LINC00305: variants seen among roughly 807,000 people sequenced by gnomAD.
LINC00305 encodes long independently transcribed non-coding RNA 305.
In LINC00305 at chr18:64,147,406, G is replaced by A. The variant is rs533536764; in HGVS notation, n.314+1369C>T. On this transcript the variant is annotated intron_variant and non_coding_transcript_variant, in intron 1 of 3. Transcript: ENST00000666468. ...GTATTGAATACATTTACATAAATTTGCATGTATGTAACACTTTCCCTAAGA... is the reference window on the plus strand; with the variant it reads ...GTATTGAATACATTTACATAAATTTACATGTATGTAACACTTTCCCTAAGA... 7 of 152,240 alleles carry A rather than the reference G, an allele frequency of 4.6e-5. No individual in the cohort carries two copies. In the East Asian group the frequency reaches 1.3e-3, roughly 29 times the overall value. The allele number at this position is 152,240 out of a possible 1,614,324, so 9.4% of individuals were successfully genotyped here.
intron 3 of LINC00305, among the ~76,000 whole-genome samples, chr18:64,086,306 A>C (rs1173113970): frequency 2.0e-5 from 3 of 152,226 alleles, no homozygotes; most frequent in Non-Finnish European, 4.4e-5. Context: ...ATTTATGTTA[A>C]GTTGGTAAGA....
intron 3 of LINC00305, among the ~76,000 whole-genome samples, chr18:64,092,549 GAGAC>G (rs2051228931): frequency 6.6e-6 from 1 of 152,192 alleles, no homozygotes; most frequent in African/African-American, 2.4e-5. Context: ...GTGACAGAAT[GAGAC>G]TCTGTCTCAA....
At chr18:64,138,888 C>G (rs997107064) in intron 1 of LINC00305, among the ~76,000 whole-genome samples, 1 of 152,264 alleles carries the variant, frequency 6.6e-6, no homozygotes, top group African/African-American at 2.4e-5. Flanking sequence ...CTTGAATAAG[C>G]TTGCAATAAA....
intron 1 of LINC00305, among the ~76,000 whole-genome samples, chr18:64,121,711 A>G (rs886197094): frequency 3.3e-5 from 5 of 152,144 alleles, no homozygotes; most frequent in Non-Finnish European, 7.4e-5. Context: ...GACACCCAAT[A>G]ACGGGATTGC....
chr18:64,081,064 T>G (rs1248492586), intron 3 of LINC00305, among the ~76,000 whole-genome samples: 1 of 152,210 alleles, frequency 6.6e-6, no homozygotes, highest in East Asian at 1.9e-4. Context: ...ATTTATCCAA[T>G]ATAATCCATC....
chr18:64,120,280 T>A (rs2051355991), intron 1 of LINC00305, among the ~76,000 whole-genome samples: 1 of 152,052 alleles, frequency 6.6e-6, no homozygotes, highest in Non-Finnish European at 1.5e-5. Context: ...ATGGCTCTTC[T>A]TTTTTTGTTA....
intron 1 of LINC00305, among the ~76,000 whole-genome samples, chr18:64,124,235 G>A (rs1015797062): frequency 2.0e-5 from 3 of 152,098 alleles, no homozygotes; most frequent in Non-Finnish European, 4.4e-5. Flanking sequence ...GCATGGCATG[G>A]TCATCCACGG....
At chr18:64,120,792 A>G (rs1422358505) in intron 1 of LINC00305, among the ~76,000 whole-genome samples, 1 of 152,086 alleles carries the variant, frequency 6.6e-6, no homozygotes, top group Non-Finnish European at 1.5e-5. Context: ...TGGTTTTGCC[A>G]GTTGCCAGTT....
intron 3 of LINC00305, among the ~76,000 whole-genome samples, chr18:64,088,229 G>T (rs571141210): frequency 6.6e-6 from 1 of 152,134 alleles, no homozygotes; most frequent in South Asian, 2.1e-4. Context: ...AGAAATTTGT[G>T]ATTTTTCTCA....
intron 1 of LINC00305, among the ~76,000 whole-genome samples, chr18:64,115,062 T>C (rs1295125182): frequency 6.6e-6 from 1 of 152,176 alleles, no homozygotes; most frequent in Non-Finnish European, 1.5e-5. Context: ...CTGCCACCAT[T>C]GGTTTTGAAA....
chr18:64,144,391 G>T (rs2051486729), intron 1 of LINC00305, among the ~76,000 whole-genome samples: 1 of 152,128 alleles, frequency 6.6e-6, no homozygotes, highest in Admixed American at 6.6e-5. Context: ...TAAGGAAAAA[G>T]CAGGAAAATG....
intron 1 of LINC00305, among the ~76,000 whole-genome samples, chr18:64,127,840 C>A (rs988935119): frequency 2.0e-5 from 3 of 152,072 alleles, no homozygotes; most frequent in Admixed American, 1.3e-4. Flanking sequence ...GGCTGAATTT[C>A]TCTCGTGGAT....
At chr18:64,095,621 A>C (rs1599208466) in intron 3 of LINC00305, among the ~76,000 whole-genome samples, 1 of 152,264 alleles carries the variant, frequency 6.6e-6, no homozygotes, top group African/African-American at 2.4e-5. Context: ...ACTGCATTTC[A>C]TCATTAAAGA....
At chr18:64,141,877 G>A (rs2051465287) in intron 1 of LINC00305, among the ~76,000 whole-genome samples, 1 of 152,204 alleles carries the variant, frequency 6.6e-6, no homozygotes, top group Non-Finnish European at 1.5e-5. Flanking sequence ...ATGATTATGT[G>A]AAAATGAGAA....
intron 1 of LINC00305, among the ~76,000 whole-genome samples, chr18:64,137,433 C>T (rs994219055): frequency 6.6e-6 from 1 of 152,188 alleles, no homozygotes; most frequent in African/African-American, 2.4e-5. Context: ...CAGTTATGAG[C>T]TATAGTCTTT....
intron 3 of LINC00305, among the ~76,000 whole-genome samples, chr18:64,085,538 C>A (rs906132679): frequency 3.9e-5 from 6 of 152,018 alleles, no homozygotes; most frequent in African/African-American, 1.5e-4. Context: ...TCTCGGCTCA[C>A]GGCAACCTCT....
intron 1 of LINC00305, among the ~76,000 whole-genome samples, chr18:64,146,067 TA>T (rs148612222): frequency 0.011 from 1,721 of 152,064 alleles, 41 homozygotes; most frequent in African/African-American, 0.04. Context: ...TCTTAGTAAT[TA>T]AAAAAAACTC....
chr18:64,127,229 A>T (rs530316411), intron 1 of LINC00305, among the ~76,000 whole-genome samples: 1 of 152,098 alleles, frequency 6.6e-6, no homozygotes, highest in Non-Finnish European at 1.5e-5. Flanking sequence ...AGGTATTATA[A>T]TATACTTTCT....
rs1456777745 is a variant in LINC00305 at position 64,088,317 on chromosome 18, CCTT to C, written n.541-7918_541-7916del. ...CCAAATAATTCTTCTGTTTCCATCTCCTTATTTCTTCTCCCACCATCCTGAAAT... is the reference window on the plus strand; with the variant it reads ...CCAAATAATTCTTCTGTTTCCATCTCATTTCTTCTCCCACCATCCTGAAAT... On this transcript the variant is annotated intron_variant and non_coding_transcript_variant, in intron 3 of 3. Transcript: ENST00000666468. Among the ~76,000 whole-genome samples the C allele has an allele frequency of 7.9e-5, 12 of 152,310 alleles. 1 individual carries two copies. The East Asian group carries it at 2.3e-3, about 29-fold the overall frequency.
Sources: gnomAD v4.1 joint callset for allele counts (sites outside exome capture counted in the v4.1 genomes callset) on GRCh38, gnomAD v4.1.1 for gene constraint, MANE v1.5 for transcripts, NCBI Gene and HGNC (gene_info 2026-07-23, HGNC 2026-07-21) for gene names.